The following TTC16 variants were observed in gnomAD, a reference collection of about 807,000 sequenced individuals.
TTC16 encodes tetratricopeptide repeat protein 16.
A neutral mutation model predicts 80.4 loss-of-function variants in TTC16; 66 were observed. That is an observed-to-expected ratio of 0.82 (90% confidence interval 0.67 to 1.01). TTC16 has a LOEUF of 1.01. TTC16 is among the 50% of genes least tolerant of loss of function. The pLI is 0.00. For missense variants in TTC16, 1,070 were observed against 1,103.2 expected (o/e 0.97, Z 0.43); for synonymous variants, 438 against 451.3 (o/e 0.97, Z 0.37).
In TTC16 at chr9:127,722,499, T is replaced by C. The variant is rs113445705; in HGVS notation, c.658-620T>C. On this transcript the variant is annotated intron_variant, in intron 6 of 13. Transcript: ENST00000373289. The surrounding 1 kb of genome is among the most constrained non-coding windows in gnomAD (Gnocchi z 4.2). ...CAACCGTCACAGTCAGGAGGTCACA[T>C]GCTCCCCGCACCTTGAGTGGGCTTC... 0.023 allele frequency among the ~76,000 whole-genome samples: 3,481 copies of C among 152,096 alleles called. 139 individuals carry two copies. The highest frequency in any genetic ancestry group is 0.079 in the African/African-American group (3,273 of 41,452).
chr9:127,730,057 G>A (rs1243892953), intron 13 of TTC16: 2 of 237,436 alleles, frequency 8.4e-6, no homozygotes, highest in Admixed American at 1.0e-4. Context: ...CCTCGCTCGG[G>A]AGGCGAGTGG....
intron 13 of TTC16, 92 bp downstream of exon 13, chr9:127,729,760 G>T (rs557749): frequency 1.6e-6 from 2 of 1,228,964 alleles, no homozygotes; most frequent in Non-Finnish European, 2.3e-6. Context: ...CTAGGTGTGC[G>T]TTCGGCCCCG....
chr9:127,723,021 G>A (rs1843624709), intron 6 of TTC16, 98 bp from the exon 7 acceptor site: 3 of 1,220,468 alleles, frequency 2.5e-6, no homozygotes, highest in Admixed American at 3.7e-5. Context: ...GAGGGGCACG[G>A]AGGAGGCATG....
At position 127,720,300 on chromosome 9, in the gene TTC16, G is replaced by A. The variant is rs200665794; in HGVS notation, c.562G>A (p.Ala188Thr). The change falls in exon 6 of 14, where the codon GCC (alanine) becomes ACC (threonine). Residue 188 changes from alanine to threonine, a missense_variant. Physicochemically the swap from Ala to Thr is moderately conservative, Grantham distance 58. Transcript: ENST00000373289. The stretch of plus-strand genomic sequence containing the variant: ...TCTCCTGGCCCTCAAGCAGCATCAG[G>A]CCTGCCTCACGCTCATCACCAACGA... ...ACLLALKQHQACLTLITNELK... is the reference protein window; with the variant it reads ...ACLLALKQHQTCLTLITNELK... 6.2e-7 allele frequency: 1 copy of A among 1,613,406 alleles called. No homozygotes were observed. Among genetic ancestry groups the A allele is most frequent in the East Asian group, 2.2e-5 (1 of 44,886 alleles).
rs1319590448 is a variant in TTC16, at chr9:127,720,277, T to C, written c.539T>C (p.Leu180Pro). The change falls in exon 6 of 14, where the codon CTC (leucine) becomes CCC (proline). Residue 180 changes from leucine to proline, a missense_variant. By Grantham distance (98) the Leu-to-Pro change is moderately conservative. Coordinates refer to ENST00000373289, the MANE Select transcript of TTC16 (RefSeq NM_144965.3). Reference protein sequence around the residue: ...PCFRYRCMACLLALKQHQACL... With the variant: ...PCFRYRCMACPLALKQHQACL... ...CCCTCTGCCCTCAGCATGGCCTGTC[T>C]CCTGGCCCTCAAGCAGCATCAGGCC... is the stretch of plus-strand genomic sequence containing the variant. 3 of 1,613,350 alleles carry C rather than the reference T, an allele frequency of 1.9e-6. No individual in the cohort carries two copies. Among genetic ancestry groups the C allele is most frequent in the Non-Finnish European group, 1.7e-6 (2 of 1,179,964 alleles).
At chr9:127,729,130 C>T (rs1235368818) in intron 12 of TTC16, 1 of 158,546 alleles carries the variant, frequency 6.3e-6, no homozygotes, top group African/African-American at 2.4e-5. Context: ...TGCTTAGGGG[C>T]TCTGAGCTTT....
chr9:127,730,568 C>G (rs1469572704), intron 13 of TTC16, 68 bp from the exon 14 acceptor site: 6 of 1,552,198 alleles, frequency 3.9e-6, no homozygotes, highest in Non-Finnish European at 1.7e-6. Context: ...TTGGGAAGCC[C>G]CTTTTCCCAG....
rs189217484 is a variant in TTC16, at chr9:127,718,121, T to C, written c.426+349T>C. ...ATTATTATTTTTGAGACAGTCTTGC[T>C]CTGTCACCCAGGCTGCAGTGCAGTG... On this transcript the variant is annotated intron_variant, in intron 4 of 13. Coordinates refer to ENST00000373289, the MANE Select transcript of TTC16 (RefSeq NM_144965.3). This position sits in a 1 kb window ranked among gnomAD's most constrained non-coding sequence, Gnocchi z 4.6. Among the ~76,000 whole-genome samples the C allele has an allele frequency of 6.6e-6, 1 of 152,308 alleles. No homozygotes were observed. Among genetic ancestry groups the C allele is most frequent in the East Asian group, 1.9e-4 (1 of 5,192 alleles).
intron 10 of TTC16, among the ~76,000 whole-genome samples, 170 bp from the exon 11 acceptor site, chr9:127,726,787 CAAAAAAAAAAAAA>C (rs55676226): frequency 3.9e-5 from 5 of 127,848 alleles, no homozygotes; most frequent in East Asian, 6.7e-4. Context: ...GACTCTGTCT[CAAAAAAAAAAAAA>C]AAAAAAAAAA....
At chr9:127,720,673 G>A (rs943498313) in intron 6 of TTC16, among the ~76,000 whole-genome samples, 6 of 151,850 alleles carry the variant, frequency 4.0e-5, no homozygotes, top group African/African-American at 9.7e-5. Context: ...ATCCCTGTCC[G>A]GATGGAGCTC....
In TTC16 at chr9:127,727,448, GAGA is replaced by G. The variant is rs369289919; in HGVS notation, c.1750_1752del (p.Lys584del). 404 of 1,585,166 alleles carry G rather than the reference GAGA, an allele frequency of 2.5e-4. No individual in the cohort carries two copies. In the East Asian group the frequency reaches 7.0e-3, roughly 27 times the overall value. On this transcript the variant is annotated inframe_deletion, in exon 12 of 14. Coordinates refer to ENST00000373289, the MANE Select transcript of TTC16 (RefSeq NM_144965.3). ...GGCCCCTGAGGAGGAGGAAGAAAAG[GAGA>G]AGGAGAAAAAAGAGGTAAGTGGAGT... is the stretch of plus-strand genomic sequence containing the variant.
rs996248417 is a variant in TTC16, at chr9:127,727,470, G to A, written c.1764+5G>A. ...AAGGAGAAGGAGAAAAAAGAGGTAA[G>A]TGGAGTACAGGCCAGGGCTCGGAGC... On this transcript the variant is annotated splice_donor_5th_base_variant and intron_variant, in intron 12 of 13. Transcript: ENST00000373289. 9 of 1,559,116 alleles carry A rather than the reference G, an allele frequency of 5.8e-6. No individual in the cohort carries two copies. The South Asian group carries it at 8.2e-5, about 14-fold the overall frequency.
At chr9:127,719,586 A>G (rs59742255) in intron 4 of TTC16, among the ~76,000 whole-genome samples, 3,645 of 152,202 alleles carry the variant, frequency 0.024, 149 homozygotes, top group African/African-American at 0.083. Flanking sequence ...TCTGCCTCCC[A>G]GGTCCAAGCC....
intron 9 of TTC16, among the ~76,000 whole-genome samples, chr9:127,725,261 G>A (rs1843843027): frequency 1.3e-5 from 2 of 151,822 alleles, no homozygotes; most frequent in South Asian, 2.1e-4. Flanking sequence ...GCGACAGAGT[G>A]AGACTCTGTC....
intron 13 of TTC16, 126 bp from the exon 14 acceptor site, chr9:127,730,510 C>A: frequency 7.1e-7 from 1 of 1,415,880 alleles, no homozygotes; most frequent in Non-Finnish European, 9.4e-7. Context: ...ATCTGCAGGT[C>A]TTTCCCTTTG....
chr9:127,721,699 ATTTGT>A (rs941001040), intron 6 of TTC16, among the ~76,000 whole-genome samples: 4 of 151,788 alleles, frequency 2.6e-5, no homozygotes, highest in East Asian at 1.9e-4. Flanking sequence ...GAGACTAGTA[ATTTGT>A]TTTGTTTTGT....
At position 127,730,824 on chromosome 9, in the gene TTC16, A is replaced by C; in HGVS notation, c.2041A>C (p.Ser681Arg). The C allele has an allele frequency of 6.2e-7, 1 of 1,611,950 alleles. No individual in the cohort carries two copies. The highest frequency in any genetic ancestry group is 8.5e-7 in the Non-Finnish European group (1 of 1,179,496). The change falls in exon 14 of 14, where the codon AGC (serine) becomes CGC (arginine). Residue 681 changes from serine to arginine, a missense_variant. Ser to Arg is a moderately radical substitution (Grantham distance 110, BLOSUM62 -1). Coordinates refer to ENST00000373289, the MANE Select transcript of TTC16 (RefSeq NM_144965.3). ...CAAGGCCACCCAGGGCCAGAGGCAG[A>C]GCCTTAGCAAGACTGAGCCCACCCA... is the stretch of plus-strand genomic sequence containing the variant. ...KIKATQGQRQ[S>R]LSKTEPTQSQ...
rs561334439 is a variant in TTC16 at position 127,718,012 on chromosome 9, C to T, written c.426+240C>T. Among the ~76,000 whole-genome samples, 70 of 152,334 alleles carry T rather than the reference C, an allele frequency of 4.6e-4. No homozygotes were observed. The highest frequency in any genetic ancestry group is 1.3e-3 in the African/African-American group (56 of 41,576). ...TGTCCAATATGCTAGCCACCAGCCA[C>T]GTGGAACTGTTGAGCCCTTGAAATG... On this transcript the variant is annotated intron_variant, in intron 4 of 13. Transcript: ENST00000373289. The surrounding 1 kb of genome is among the most constrained non-coding windows in gnomAD (Gnocchi z 4.6).
chr9:127,720,415 C>G lies in TTC16; in HGVS notation c.657+20C>G. On this transcript the variant is annotated intron_variant, in intron 6 of 13. Coordinates refer to ENST00000373289, the MANE Select transcript of TTC16 (RefSeq NM_144965.3). ...CAGAAGGTACAGTGGGGAGGGCGGG[C>G]AGGGGCATGCCCCCCAACCTGGGAG... The G allele has an allele frequency of 6.5e-6, 10 of 1,539,016 alleles. No homozygotes were observed. The highest frequency in any genetic ancestry group is 5.5e-5 in the Admixed American group (3 of 55,032).
Sources: allele counts gnomAD v4.1 joint callset (sites outside exome capture counted in the v4.1 genomes callset), GRCh38; gene constraint gnomAD v4.1.1; non-coding constraint Gnocchi (gnomAD v3.1); transcripts MANE v1.5; gene names NCBI Gene and HGNC (gene_info 2026-07-23, HGNC 2026-07-21).